KDM4C: variants seen among roughly 807,000 people sequenced by gnomAD.
KDM4C encodes lysine-specific demethylase 4C.
Under a neutral mutation model 129.3 loss-of-function variants are expected in KDM4C, and 81 were observed. The observed-to-expected ratio is 0.63, with a 90% CI of 0.52 to 0.75. KDM4C has a LOEUF of 0.75. KDM4C is among the 30% of genes least tolerant of loss of function. KDM4C has a pLI of 0.00. For missense variants in KDM4C, 1,457 were observed against 1,304.0 expected (o/e 1.12, Z -1.81); for synonymous variants, 573 against 456.1 (o/e 1.26, Z -3.26).
intron 8 of KDM4C, among the ~76,000 whole-genome samples, chr9:6,943,622 C>A (rs898620282): frequency 6.6e-6 from 1 of 151,826 alleles, no homozygotes; most frequent in Non-Finnish European, 1.5e-5. Flanking sequence ...CTGCAGTGAG[C>A]CATAATTGCC....
chr9:6,853,713 C>T (rs779345810), intron 5 of KDM4C, among the ~76,000 whole-genome samples: 2 of 152,078 alleles, frequency 1.3e-5, no homozygotes, highest in Non-Finnish European at 2.9e-5. Flanking sequence ...GGAAAAGTAT[C>T]CTTAGAGTAA....
chr9:7,103,759 G>A lies in KDM4C; in HGVS notation c.2499G>A (p.Pro833=), dbSNP rs551519252. Residue 833 remains proline (P), a synonymous_variant, in exon 18 of 22, where the codon CCG becomes CCA. Coordinates refer to ENST00000381309, the MANE Select transcript of KDM4C (RefSeq NM_015061.6). ...ACIQCSYGRC[P]ASFHVTCAHA... is the part of the protein sequence containing the mutation. ...TCCAGTGTTCCTACGGTCGCTGCCC[G>A]GCCTCCTTCCATGTCACTTGTGCCC... The A allele has an allele frequency of 3.3e-5, 54 of 1,613,928 alleles. No individual in the cohort carries two copies. In the East Asian group the frequency reaches 4.5e-4, roughly 13 times the overall value.
intron 19 of KDM4C, among the ~76,000 whole-genome samples, chr9:7,136,095 G>T (rs974831367): frequency 6.6e-6 from 1 of 152,194 alleles, no homozygotes; most frequent in Non-Finnish European, 1.5e-5. Context: ...TGTCAACTGG[G>T]TTACTGACTT....
intron 17 of KDM4C, among the ~76,000 whole-genome samples, chr9:7,052,898 A>AGAGAGAGAGAGAGAGAGAGAGC (rs1477487723): frequency 1.9e-4 from 9 of 47,530 alleles, no homozygotes; most frequent in Admixed American, 5.2e-4. Flanking sequence ...AGAGAGAGAG[A>AGAGAGAGAGAGAGAGAGAGAGC]GAGCGAGCGA....
intron 4 of KDM4C, among the ~76,000 whole-genome samples, chr9:6,846,081 C>T (rs10975850): frequency 6.6e-6 from 1 of 152,148 alleles, no homozygotes; most frequent in African/African-American, 2.4e-5. Flanking sequence ...GGCACTGCCT[C>T]TGGTGGGAAG....
chr9:7,166,151 G>C (rs1036693933), intron 20 of KDM4C, among the ~76,000 whole-genome samples: 2 of 152,150 alleles, frequency 1.3e-5, no homozygotes, highest in African/African-American at 4.8e-5. Context: ...CTAAACTGTA[G>C]AGTGAAAACA....
At chr9:6,850,794 G>A (rs1185802704) in intron 5 of KDM4C, among the ~76,000 whole-genome samples, 1 of 151,814 alleles carries the variant, frequency 6.6e-6, no homozygotes, top group Admixed American at 6.6e-5. Context: ...TCACTCTGTT[G>A]CCCAGGCTGG....
At chr9:7,056,864 T>C (rs1830939774) in intron 17 of KDM4C, among the ~76,000 whole-genome samples, 1 of 152,198 alleles carries the variant, frequency 6.6e-6, no homozygotes, top group Non-Finnish European at 1.5e-5. Flanking sequence ...GTGAGCCAGG[T>C]TGGAGTTTCA....
At chr9:6,791,785 G>A (rs1393925526) in intron 1 of KDM4C, among the ~76,000 whole-genome samples, 2 of 152,166 alleles carry the variant, frequency 1.3e-5, no homozygotes, top group African/African-American at 4.8e-5. Context: ...CACTTTGGGA[G>A]GCCAAGGCGG....
intron 8 of KDM4C, among the ~76,000 whole-genome samples, chr9:6,926,875 A>G (rs1822671777): frequency 6.6e-6 from 1 of 152,164 alleles, no homozygotes; most frequent in Admixed American, 6.5e-5. Flanking sequence ...CTGTCCTTTA[A>G]TTGTTGCTTA....
At chr9:6,866,437 C>A (rs1215589773) in intron 5 of KDM4C, among the ~76,000 whole-genome samples, 1 of 152,170 alleles carries the variant, frequency 6.6e-6, no homozygotes. Flanking sequence ...GCTAGGGGTT[C>A]ATTCCCAGGA....
chr9:7,071,941 T>C (rs186290462), intron 17 of KDM4C, among the ~76,000 whole-genome samples: 21 of 152,240 alleles, frequency 1.4e-4, no homozygotes, highest in Admixed American at 1.0e-3. Flanking sequence ...GTCTCCAGGA[T>C]ATATAAAGAA....
chr9:6,947,606 G>T (rs1827212206), intron 8 of KDM4C, among the ~76,000 whole-genome samples: 1 of 151,910 alleles, frequency 6.6e-6, no homozygotes, highest in South Asian at 2.1e-4. Flanking sequence ...TGTTTTCATT[G>T]TATGGTATGA....
chr9:7,013,837 A>G lies in KDM4C; in HGVS notation c.2018A>G (p.Asp673Gly). The change falls in exon 14 of 22, where the codon GAT (aspartate) becomes GGT (glycine). Residue 673 changes from aspartate (D) to glycine (G), a missense_variant. Coordinates refer to ENST00000381309, the MANE Select transcript of KDM4C (RefSeq NM_015061.6). ...GATGCTAGATGGGAGACAAAATTAG[A>G]TGAAGTCGTTACATCGGAGGGAAAG... Reference protein sequence around the residue: ...ENDARWETKLDEVVTSEGKTK... With the variant: ...ENDARWETKLGEVVTSEGKTK... The G allele has an allele frequency of 6.2e-7, 1 of 1,614,046 alleles. No individual in the cohort carries two copies. Among genetic ancestry groups the G allele is most frequent in the African/African-American group, 1.3e-5 (1 of 75,054 alleles).
At chr9:7,063,894 C>T (rs1027598625) in intron 17 of KDM4C, among the ~76,000 whole-genome samples, 3 of 152,074 alleles carry the variant, frequency 2.0e-5, no homozygotes, top group Non-Finnish European at 2.9e-5. Context: ...AGAGCTGGAG[C>T]GTGAAGCATG....
chr9:7,015,520 A>G lies in KDM4C; in HGVS notation c.2183-333A>G, dbSNP rs566629326. ...TATATTAATTTAAAAATATTAGGTT[A>G]AAATGTATTTATTATATTATTTTTG... is the stretch of plus-strand genomic sequence containing the variant. On this transcript the variant is annotated intron_variant, in intron 14 of 21. Transcript: ENST00000381309. Among the ~76,000 whole-genome samples the G allele has an allele frequency of 2.4e-3, 367 of 152,304 alleles. 2 individuals are homozygous for G. Among genetic ancestry groups the G allele is most frequent in the African/African-American group, 8.4e-3 (348 of 41,580 alleles).
At chr9:6,774,963 A>C (rs1171836503) in intron 1 of KDM4C, among the ~76,000 whole-genome samples, 1 of 152,218 alleles carries the variant, frequency 6.6e-6, no homozygotes, top group Non-Finnish European at 1.5e-5. Flanking sequence ...AGATTTGTGA[A>C]AATGGACTTA....
chr9:6,740,438 T>C (rs562761991), intron 1 of KDM4C, among the ~76,000 whole-genome samples: 26 of 150,302 alleles, frequency 1.7e-4, no homozygotes, highest in Non-Finnish European at 2.2e-4. Context: ...CTCCTGACCT[T>C]GTGATCCGCC....
At chr9:6,903,281 G>GTTTCAAT in intron 8 of KDM4C, among the ~76,000 whole-genome samples, 1 of 152,084 alleles carries the variant, frequency 6.6e-6, no homozygotes, top group Non-Finnish European at 1.5e-5. Context: ...GTTGATTATT[G>GTTTCAAT]AAATAGCATG....
Sources: allele counts gnomAD v4.1 joint callset (sites outside exome capture counted in the v4.1 genomes callset), GRCh38; gene constraint gnomAD v4.1.1; transcripts MANE v1.5; gene names NCBI Gene and HGNC (gene_info 2026-07-23, HGNC 2026-07-21).